ADARB2: variants seen among roughly 807,000 people sequenced by gnomAD.
ADARB2 encodes the protein inactive double-stranded RNA-specific editase B2.
ADARB2 carries 25 observed loss-of-function variants against 62.2 expected under a neutral mutation model. The ratio of observed to expected loss-of-function variants is 0.40; its 90% confidence interval spans 0.29 to 0.56. ADARB2 has a LOEUF of 0.56. Among genes scored for constraint, ADARB2 ranks in the 20% least tolerant of loss-of-function variants. The probability of loss-of-function intolerance (pLI) is 0.43; values close to 1 mark genes in which losing one functional copy is unlikely to be tolerated. For missense variants in ADARB2, 1,071 were observed against 1,077.4 expected, an observed-to-expected ratio of 0.99 and a Z score of 0.08; for synonymous variants, 572 against 500.8, an observed-to-expected ratio of 1.14 and a Z score of -1.90.
chr10:1,402,510 T>C (rs1588245311), intron 1 of ADARB2, among the ~76,000 whole-genome samples: 1 of 152,176 alleles, frequency 6.6e-6, no homozygotes, highest in East Asian at 1.9e-4. Flanking sequence ...GCTGGTGCAG[T>C]ATGTCATTTA....
chr10:1,671,713 G>GTA (rs1043988899), intron 1 of ADARB2, among the ~76,000 whole-genome samples: 6 of 152,046 alleles, frequency 3.9e-5, no homozygotes, highest in Admixed American at 1.3e-4. Context: ...CTGCGACAGT[G>GTA]TACCCTGTGT....
intron 1 of ADARB2, among the ~76,000 whole-genome samples, chr10:1,499,044 A>G (rs905334855): frequency 1.4e-5 from 2 of 147,892 alleles, no homozygotes; most frequent in Non-Finnish European, 3.0e-5. Context: ...TCATTCACTC[A>G]TTACTCGTCA....
At chr10:1,499,462 C>T (rs11817863) in intron 1 of ADARB2, among the ~76,000 whole-genome samples, 20,421 of 151,906 alleles carry the variant, frequency 0.13, 1,730 homozygotes, top group East Asian at 0.32. Context: ...ACTCATTACT[C>T]ACTCATCATT....
At chr10:1,316,542 T>A (rs1219788768) in intron 3 of ADARB2, among the ~76,000 whole-genome samples, 1 of 152,120 alleles carries the variant, frequency 6.6e-6, no homozygotes, top group Non-Finnish European at 1.5e-5. Flanking sequence ...ATTCTGGGAG[T>A]CATTGGTTTT....
chr10:1,510,116 CTT>C (rs1419159528), intron 1 of ADARB2, among the ~76,000 whole-genome samples: 5,898 of 101,782 alleles, frequency 0.058, 147 homozygotes, highest in African/African-American at 0.071. Flanking sequence ...TTCTCTCTTT[CTT>C]TCTTTCTTTC....
At chr10:1,283,089 G>A (rs1338296143) in intron 3 of ADARB2, among the ~76,000 whole-genome samples, 2 of 152,176 alleles carry the variant, frequency 1.3e-5, no homozygotes, top group Non-Finnish European at 2.9e-5. Flanking sequence ...GAGGTCAAAT[G>A]CCAGCTCCTT....
At chr10:1,504,993 C>T (rs1398402471) in intron 1 of ADARB2, among the ~76,000 whole-genome samples, 4 of 151,810 alleles carry the variant, frequency 2.6e-5, no homozygotes, top group Non-Finnish European at 5.9e-5. Context: ...ATGCAATGCA[C>T]ACACATGCAC....
intron 1 of ADARB2, among the ~76,000 whole-genome samples, chr10:1,503,747 G>A (rs1322257796): frequency 6.6e-6 from 1 of 152,088 alleles, no homozygotes; most frequent in African/African-American, 2.4e-5. Context: ...CCTCGTGATA[G>A]TAAGTGAGCT....
chr10:1,584,709 A>G (rs1035899005), intron 1 of ADARB2, among the ~76,000 whole-genome samples: 4 of 152,224 alleles, frequency 2.6e-5, no homozygotes, highest in African/African-American at 7.2e-5. Context: ...CAGTGGGTGA[A>G]TGGATACATC....
chr10:1,583,839 T>C (rs999091009), intron 1 of ADARB2, among the ~76,000 whole-genome samples: 2 of 152,092 alleles, frequency 1.3e-5, no homozygotes, highest in Non-Finnish European at 2.9e-5. Context: ...TGGAACAGAA[T>C]AGAGAACCCA....
rs183269212 is a variant in ADARB2 at position 1,695,666 on chromosome 10, T to C, written c.100+41385A>G. ...ACATAAACATGCATGCGAGAGCGTA[T>C]GTGCATGTATGCAAGAAACATGAAT... On this transcript the variant is annotated intron_variant, in intron 1 of 9. Transcript: ENST00000381312. 9.6e-4 allele frequency among the ~76,000 whole-genome samples: 146 copies of C among 152,246 alleles called. 1 individual carries two copies. The highest frequency in any genetic ancestry group is 3.4e-3 in the African/African-American group (142 of 41,534).
chr10:1,345,666 G>T (rs1832074703), intron 3 of ADARB2, among the ~76,000 whole-genome samples: 2 of 152,198 alleles, frequency 1.3e-5, no homozygotes, highest in South Asian at 4.1e-4. Flanking sequence ...AGTGAGGACA[G>T]CACCCCTTCT....
chr10:1,599,708 C>T (rs1298161806), intron 1 of ADARB2, among the ~76,000 whole-genome samples: 1 of 152,122 alleles, frequency 6.6e-6, no homozygotes, highest in African/African-American at 2.4e-5. Flanking sequence ...TCTTAAGTAT[C>T]CCTTCCTCTG....
chr10:1,658,313 A>C (rs986827936), intron 1 of ADARB2, among the ~76,000 whole-genome samples: 4 of 136,638 alleles, frequency 2.9e-5, no homozygotes, highest in Non-Finnish European at 3.2e-5. Context: ...GTCTCTCTCT[A>C]TCTGATTCTG....
intron 1 of ADARB2, chr10:1,676,102 A>G (rs977687554): frequency 5.9e-5 from 58 of 982,988 alleles, no homozygotes; most frequent in Non-Finnish European, 6.3e-5. Flanking sequence ...GAAGGTTTGC[A>G]GGCATATTAG....
intron 4 of ADARB2, among the ~76,000 whole-genome samples, chr10:1,248,983 G>C (rs1057478434): frequency 6.6e-6 from 1 of 152,144 alleles, no homozygotes; most frequent in African/African-American, 2.4e-5. Context: ...TGTTATCATG[G>C]AATGCCTAAA....
intron 3 of ADARB2, among the ~76,000 whole-genome samples, chr10:1,362,180 G>A (rs1832264337): frequency 6.6e-6 from 1 of 152,228 alleles, no homozygotes; most frequent in South Asian, 2.1e-4. Context: ...GACAGGAAAT[G>A]TCCTCTCCAT....
At chr10:1,652,690 G>A (rs554545548) in intron 1 of ADARB2, among the ~76,000 whole-genome samples, 10 of 152,300 alleles carry the variant, frequency 6.6e-5, no homozygotes, top group African/African-American at 2.2e-4. Context: ...ATGAAAACAA[G>A]CCGTCCTGAG....
chr10:1,445,102 T>C (rs937758364), intron 1 of ADARB2, among the ~76,000 whole-genome samples: 12 of 143,262 alleles, frequency 8.4e-5, no homozygotes, highest in Non-Finnish European at 4.6e-5. Flanking sequence ...CCCACCCATC[T>C]ATCCATCCAT....
Sources: gnomAD v4.1 joint callset for allele counts (sites outside exome capture counted in the v4.1 genomes callset) on GRCh38, gnomAD v4.1.1 for gene constraint, MANE v1.5 for transcripts, NCBI Gene and HGNC (gene_info 2026-07-23, HGNC 2026-07-21) for gene names.